The following MYT1L variants were observed in gnomAD, a reference collection of about 807,000 sequenced individuals.
MYT1L encodes myelin transcription factor 1 like.
A neutral mutation model predicts 126.7 loss-of-function variants in MYT1L; 12 were observed. The ratio of observed to expected loss-of-function variants is 0.09; its 90% CI spans 0.06 to 0.15. The LOEUF (loss-of-function observed/expected upper bound fraction) is 0.15. Ranked by LOEUF, MYT1L falls within the 10% of genes least tolerant of loss-of-function variation. The pLI is 1.00. For missense variants in MYT1L, 979 were observed against 1,585.2 expected (o/e 0.62, Z 6.49); for synonymous variants, 541 against 604.2 (o/e 0.90, Z 1.53).
chr2:2,071,146 A>T (rs527986289), intron 3 of MYT1L, among the ~76,000 whole-genome samples: 1 of 152,350 alleles, frequency 6.6e-6, no homozygotes, highest in African/African-American at 2.4e-5. Context: ...AAATGTTAAT[A>T]TGTAATAAAG....
chr2:2,228,981 T>C lies in MYT1L; in HGVS notation c.-421+55423A>G, dbSNP rs916734541. Among the ~76,000 whole-genome samples the C allele has an allele frequency of 2.6e-5, 4 of 152,176 alleles. No individual in the cohort carries two copies. Among genetic ancestry groups the C allele is most frequent in the African/African-American group, 9.7e-5 (4 of 41,442 alleles). The stretch of plus-strand genomic sequence containing the variant: ...ACGGGGGTCTTCCAACGTATCCAGC[T>C]GAGCTCCTGGCTCCGATTTCTCAGC... On this transcript the variant is annotated intron_variant, in intron 2 of 24. Transcript: ENST00000647738. The surrounding 1 kb of genome is among the most constrained non-coding windows in gnomAD (Gnocchi z 5.9).
intron 21 of MYT1L, among the ~76,000 whole-genome samples, chr2:1,830,281 CTCTTTGCCTCAATGTCCTGA>C (rs2039960707): frequency 6.6e-6 from 1 of 152,198 alleles, no homozygotes; most frequent in Non-Finnish European, 1.5e-5. Context: ...AAGTTCTCTT[CTCTTTGCCTCAATGTCCTGA>C]TCTTTAAAAC....
rs2147786857 is a variant in MYT1L at position 1,792,383 on chromosome 2, C to G, written c.3358G>C (p.Glu1120Gln). The change falls in exon 24 of 25, where the codon GAG becomes CAG. Residue 1120 changes from glutamate to glutamine, a missense_variant. Around this residue, in one of 12 missense-constraint regions of MYT1L, gnomAD observed 179 missense variants for 398.6 expected, o/e 0.45. Coordinates refer to ENST00000647738, the MANE Select transcript of MYT1L (RefSeq NM_001303052.2). ...IEQQNESLLH[E>Q]LANLSQSLIH... ...AGAGACTGGCTCAGGTTCGCCAGCT[C>G]GTGGAGGAGAGACTCGTTCTGCTGC... 1 of 1,611,980 alleles carries G rather than the reference C, an allele frequency of 6.2e-7. No individual in the cohort carries two copies. Among genetic ancestry groups the G allele is most frequent in the Non-Finnish European group, 8.5e-7 (1 of 1,179,116 alleles).
intron 19 of MYT1L, among the ~76,000 whole-genome samples, chr2:1,845,037 G>T (rs2042315530): frequency 6.6e-6 from 1 of 151,766 alleles, no homozygotes; most frequent in Non-Finnish European, 1.5e-5. Context: ...GGAGTGCAGG[G>T]GCATGACCTT....
intron 1 of MYT1L, among the ~76,000 whole-genome samples, chr2:2,286,277 C>T (rs1208007652): frequency 2.0e-5 from 3 of 152,104 alleles, no homozygotes; most frequent in African/African-American, 7.2e-5. Flanking sequence ...TTACCACACC[C>T]GGCCTGTTCT....
At chr2:2,018,748 G>A (rs1038232996) in intron 4 of MYT1L, among the ~76,000 whole-genome samples, 2 of 152,176 alleles carry the variant, frequency 1.3e-5, no homozygotes, top group African/African-American at 4.8e-5. Flanking sequence ...GTTTCACGCA[G>A]AGATCAACAA....
Position 2,228,895 on chromosome 2 carries a change from C to T in MYT1L, c.-421+55509G>A, listed in dbSNP as rs1016274165. The stretch of plus-strand genomic sequence containing the variant: ...ATATTAACAATCTTTTTAAAAAATA[C>T]AGGACAAGGGCAAGTTAATAAGAAG... On this transcript the variant is annotated intron_variant, in intron 2 of 24. Transcript: ENST00000647738. The surrounding 1 kb of genome is among the most constrained non-coding windows in gnomAD (Gnocchi z 5.9). 2.0e-5 allele frequency among the ~76,000 whole-genome samples: 3 copies of T among 152,044 alleles called. No individual in the cohort carries two copies. The highest frequency in any genetic ancestry group is 6.6e-5 in the Admixed American group (1 of 15,256).
chr2:2,176,351 T>C (rs543631575), intron 2 of MYT1L, among the ~76,000 whole-genome samples: 2 of 152,346 alleles, frequency 1.3e-5, no homozygotes, highest in South Asian at 4.1e-4. Context: ...CTAGGTCAGT[T>C]ACATATTTGT....
intron 3 of MYT1L, among the ~76,000 whole-genome samples, chr2:2,160,645 A>G (rs571575887): frequency 6.6e-6 from 1 of 152,290 alleles, no homozygotes; most frequent in African/African-American, 2.4e-5. Context: ...CATCTTCTCA[A>G]GAAGATGCCA....
intron 3 of MYT1L, among the ~76,000 whole-genome samples, chr2:2,171,623 G>A (rs931340508): frequency 6.6e-6 from 1 of 150,940 alleles, no homozygotes; most frequent in African/African-American, 2.4e-5. Context: ...TTTTGTCGTC[G>A]TCGTTGTTGT....
At chr2:2,100,048 T>C (rs1160941328) in intron 3 of MYT1L, among the ~76,000 whole-genome samples, 1 of 152,224 alleles carries the variant, frequency 6.6e-6, no homozygotes, top group Non-Finnish European at 1.5e-5. Flanking sequence ...GTGGTTGCAT[T>C]TATGTTTTCC....
At chr2:2,119,348 T>C (rs1397920075) in intron 3 of MYT1L, among the ~76,000 whole-genome samples, 1 of 152,234 alleles carries the variant, frequency 6.6e-6, no homozygotes, top group African/African-American at 2.4e-5. Context: ...TAGTAATCTA[T>C]GAAAAATGTA....
At chr2:2,221,274 C>T (rs6711124) in intron 2 of MYT1L, among the ~76,000 whole-genome samples, 109,833 of 151,370 alleles carry the variant, frequency 0.73, 40,127 homozygotes, top group East Asian at 0.78. Flanking sequence ...TTAGTCTGGG[C>T]ACCTCTTGGA....
At chr2:2,163,124 C>G (rs2148448693) in intron 3 of MYT1L, among the ~76,000 whole-genome samples, 1 of 152,272 alleles carries the variant, frequency 6.6e-6, no homozygotes, top group East Asian at 1.9e-4. Flanking sequence ...GCTTCTGAAA[C>G]TACCAGCAGG....
intron 1 of MYT1L, among the ~76,000 whole-genome samples, chr2:2,321,731 T>C (rs2096170910): frequency 6.6e-6 from 1 of 152,198 alleles, no homozygotes; most frequent in South Asian, 2.1e-4. Context: ...CATAAATTAT[T>C]AATTCATGAG....
intron 21 of MYT1L, among the ~76,000 whole-genome samples, chr2:1,810,468 A>G (rs549843000): frequency 3.5e-4 from 53 of 152,274 alleles, no homozygotes; most frequent in Non-Finnish European, 5.7e-4. Context: ...TATATGACAT[A>G]TGTGTTTATT....
At chr2:2,046,382 G>A (rs1226413809) in intron 4 of MYT1L, among the ~76,000 whole-genome samples, 2 of 152,078 alleles carry the variant, frequency 1.3e-5, no homozygotes, top group African/African-American at 2.4e-5. Flanking sequence ...TCCATTACAT[G>A]AATATAGCAT....
chr2:1,844,750 G>T (rs1488554117), intron 19 of MYT1L, among the ~76,000 whole-genome samples: 1 of 152,132 alleles, frequency 6.6e-6, no homozygotes, highest in African/African-American at 2.4e-5. Flanking sequence ...ACCTTTATCT[G>T]CACTTGTGAT....
intron 4 of MYT1L, among the ~76,000 whole-genome samples, chr2:2,050,289 T>G (rs1019570371): frequency 2.0e-5 from 3 of 152,166 alleles, no homozygotes; most frequent in Non-Finnish European, 4.4e-5. Context: ...TCAAAGAATA[T>G]AGATTTACAG....
Sources: gnomAD v4.1 joint callset for allele counts (sites outside exome capture counted in the v4.1 genomes callset) on GRCh38, gnomAD v4.1.1 for gene constraint, gnomAD v4.1.1 regional missense constraint, Gnocchi (gnomAD v3.1) non-coding constraint, MANE v1.5 for transcripts, NCBI Gene and HGNC (gene_info 2026-07-23, HGNC 2026-07-21) for gene names.